RCAN1: variants seen among roughly 807,000 people sequenced by gnomAD.
RCAN1 encodes the protein regulator of calcineurin 1.
RCAN1 carries 11 observed loss-of-function variants against 22.9 expected under a neutral mutation model. That is an observed-to-expected ratio of 0.48 (90% confidence interval 0.30 to 0.79). RCAN1 has a LOEUF of 0.79. Among genes scored for constraint, RCAN1 ranks in the 30% least tolerant of loss-of-function variants. The pLI is 0.06. For missense variants in RCAN1, 291 were observed against 337.8 expected (o/e 0.86, Z 1.09); for synonymous variants, 136 against 142.3 (o/e 0.96, Z 0.32).
chr21:34,547,539 G>A lies in RCAN1; in HGVS notation c.253-23829C>T, dbSNP rs138906451. Among the ~76,000 whole-genome samples, 395 of 152,290 alleles carry A rather than the reference G, an allele frequency of 2.6e-3. 4 individuals are homozygous for A. Among genetic ancestry groups the A allele is most frequent in the African/African-American group, 8.8e-3 (365 of 41,550 alleles). On this transcript the variant is annotated intron_variant, in intron 1 of 3. Coordinates refer to ENST00000313806, the MANE Select transcript of RCAN1 (RefSeq NM_004414.7). Reference sequence around the variant, plus strand: ...CTAACACCCAGTGCAATGGTGCTATGGTTTGAATGTGTCCCCCAAAAGTTT... The same window carrying A: ...CTAACACCCAGTGCAATGGTGCTATAGTTTGAATGTGTCCCCCAAAAGTTT...
At chr21:34,525,507 C>A in intron 1 of RCAN1, 1 of 876,614 alleles carries the variant, frequency 1.1e-6, no homozygotes, top group Non-Finnish European at 1.6e-6. Context: ...TTTTGTATGA[C>A]CTCATCAATA....
chr21:34,588,186 A>G (rs1987863238), intron 1 of RCAN1, among the ~76,000 whole-genome samples: 1 of 152,204 alleles, frequency 6.6e-6, no homozygotes, highest in African/African-American at 2.4e-5. Flanking sequence ...ATGTTGAACA[A>G]AAGAAACAAG....
At chr21:34,545,288 AC>A (rs745671075) in intron 1 of RCAN1, among the ~76,000 whole-genome samples, 2 of 152,034 alleles carry the variant, frequency 1.3e-5, no homozygotes, top group Non-Finnish European at 2.9e-5. Context: ...CTTGTCACCC[AC>A]CCTTCCAAAA....
chr21:34,535,826 A>G (rs533859697), intron 1 of RCAN1, among the ~76,000 whole-genome samples: 1 of 152,002 alleles, frequency 6.6e-6, no homozygotes, highest in Non-Finnish European at 1.5e-5. Context: ...TGAAAATGCT[A>G]AAGACTTTTT....
chr21:34,593,424 C>T (rs1266363088), intron 1 of RCAN1, among the ~76,000 whole-genome samples: 2 of 152,210 alleles, frequency 1.3e-5, no homozygotes, highest in Non-Finnish European at 2.9e-5. Context: ...CAAATCATTA[C>T]ATCTTTATGA....
chr21:34,593,727 G>T (rs62211907), intron 1 of RCAN1, among the ~76,000 whole-genome samples: 1 of 152,158 alleles, frequency 6.6e-6, no homozygotes, highest in East Asian at 1.9e-4. Context: ...TGATGCATGG[G>T]GAAAGGATAT....
At chr21:34,594,494 T>C (rs1307999942) in intron 1 of RCAN1, among the ~76,000 whole-genome samples, 1 of 152,012 alleles carries the variant, frequency 6.6e-6, no homozygotes. Context: ...GGAGGTTGCA[T>C]TGAGCCAAGA....
intron 3 of RCAN1, among the ~76,000 whole-genome samples, chr21:34,520,680 C>T (rs987596635): frequency 1.3e-5 from 2 of 152,126 alleles, no homozygotes; most frequent in East Asian, 1.9e-4. Flanking sequence ...ACCTCTTCAC[C>T]CCAAGACTCT....
In RCAN1 at chr21:34,518,306, CA is replaced by C; in HGVS notation, c.587-51del. The C allele has an allele frequency of 1.3e-6, 2 of 1,589,600 alleles. No homozygotes were observed. Among genetic ancestry groups the C allele is most frequent in the Non-Finnish European group, 8.6e-7 (1 of 1,165,552 alleles). On this transcript the variant is annotated intron_variant, in intron 3 of 3. Transcript: ENST00000313806. The surrounding 1 kb of genome is among the most constrained non-coding windows in gnomAD (Gnocchi z 4.2). ...GTCACTCAGACAAGTCCTTGGGAGTCAAAAGGCAAACATAAAAGAGCATTCA... is the reference window on the plus strand; with the variant it reads ...GTCACTCAGACAAGTCCTTGGGAGTCAAAGGCAAACATAAAAGAGCATTCA...
intron 1 of RCAN1, among the ~76,000 whole-genome samples, chr21:34,600,979 T>C (rs1380512481): frequency 6.6e-6 from 1 of 152,188 alleles, no homozygotes; most frequent in Non-Finnish European, 1.5e-5. Context: ...CACACACCAC[T>C]GCAAAATTTT....
intron 1 of RCAN1, chr21:34,560,284 G>A (rs1986740997): frequency 6.6e-6 from 1 of 152,176 alleles, no homozygotes; most frequent in Admixed American, 6.5e-5. Flanking sequence ...GTCCACACTG[G>A]GAGGGGCTAA....
intron 1 of RCAN1, among the ~76,000 whole-genome samples, chr21:34,573,667 CCT>C (rs1480759831): frequency 2.0e-5 from 3 of 152,196 alleles, no homozygotes; most frequent in African/African-American, 4.8e-5. Context: ...TCACTGCTCC[CCT>C]GTGTGCTACA....
Position 34,615,090 on chromosome 21 carries a change from C to T in RCAN1, c.-79G>A, listed in dbSNP as rs1988786385. The T allele has an allele frequency of 2.0e-6, 2 of 999,244 alleles. No homozygotes were observed. Among genetic ancestry groups the T allele is most frequent in the Non-Finnish European group, 1.2e-6 (1 of 838,954 alleles). 61.9% of individuals were successfully genotyped at this position (999,244 alleles called of 1,614,324 possible). A position where few individuals can be genotyped will look rare whatever the true frequency, so the allele number is the denominator to read the frequency against. ...CCGGAGCCTCACGCGCTCCGGTCCG[C>T]GCCCGGCCGGCGGCTCCGCCGTTAA... is the stretch of plus-strand genomic sequence containing the variant. On this transcript the variant is annotated 5_prime_UTR_variant, in exon 1 of 4. Coordinates refer to ENST00000313806, the MANE Select transcript of RCAN1 (RefSeq NM_004414.7).
At chr21:34,534,053 G>A (rs73207097) in intron 1 of RCAN1, among the ~76,000 whole-genome samples, 42 of 152,320 alleles carry the variant, frequency 2.8e-4, no homozygotes, top group African/African-American at 9.4e-4. Flanking sequence ...GAGCCATAAG[G>A]GGGTTTGAGC....
In RCAN1 at chr21:34,554,432, C is replaced by T. The variant is rs886211218; in HGVS notation, c.253-30722G>A. On this transcript the variant is annotated intron_variant, in intron 1 of 3. Transcript: ENST00000313806. Reference sequence around the variant, plus strand: ...TGATACATCTGGAGGCTGGGGTAAACACTGGCTGCTGAAACCACCAGGTGA... The same window carrying T: ...TGATACATCTGGAGGCTGGGGTAAATACTGGCTGCTGAAACCACCAGGTGA... Among the ~76,000 whole-genome samples, 102 of 152,292 alleles carry T rather than the reference C, an allele frequency of 6.7e-4. 1 individual carries two copies. Among genetic ancestry groups the T allele is most frequent in the African/African-American group, 2.3e-3 (97 of 41,566 alleles).
intron 3 of RCAN1, chr21:34,521,128 G>A: frequency 2.4e-6 from 3 of 1,260,970 alleles, no homozygotes; most frequent in African/African-American, 1.5e-5. Context: ...AGGGGGCATC[G>A]ATTTTCCCTT....
chr21:34,614,594 C>T lies in RCAN1; in HGVS notation c.252+166G>A. The T allele has an allele frequency of 1.0e-6, 1 of 999,292 alleles. No homozygotes were observed. Among genetic ancestry groups the T allele is most frequent in the Non-Finnish European group, 1.2e-6 (1 of 809,628 alleles). 61.9% of individuals were successfully genotyped at this position (999,292 alleles called of 1,614,324 possible). ...TAGGGGACCGGGACCCTCGGGGCGCCGTCCCCACGCCCCAGCCCTGACGGG... is the reference window on the plus strand; with the variant it reads ...TAGGGGACCGGGACCCTCGGGGCGCTGTCCCCACGCCCCAGCCCTGACGGG... On this transcript the variant is annotated intron_variant, in intron 1 of 3. Coordinates refer to ENST00000313806, the MANE Select transcript of RCAN1 (RefSeq NM_004414.7). This position sits in a 1 kb window ranked among gnomAD's most constrained non-coding sequence, Gnocchi z 6.0.
chr21:34,539,478 T>C, intron 1 of RCAN1, among the ~76,000 whole-genome samples: 1 of 152,220 alleles, frequency 6.6e-6, no homozygotes, highest in East Asian at 1.9e-4. Context: ...GACTCCTGTG[T>C]TTTTCTTCTT....
intron 1 of RCAN1, among the ~76,000 whole-genome samples, chr21:34,563,853 C>G (rs62211860): frequency 0.24 from 33,378 of 136,918 alleles, 4,586 homozygotes; most frequent in African/African-American, 0.38. Context: ...ATAATCACAG[C>G]TACTCAGGAG....
Sources: gnomAD v4.1 joint callset for allele counts (sites outside exome capture counted in the v4.1 genomes callset) on GRCh38, gnomAD v4.1.1 for gene constraint, Gnocchi (gnomAD v3.1) non-coding constraint, MANE v1.5 for transcripts, NCBI Gene and HGNC (gene_info 2026-07-23, HGNC 2026-07-21) for gene names.